The following SSBP3 variants were observed in gnomAD, a reference collection of about 807,000 sequenced individuals.
SSBP3 encodes single stranded DNA binding protein 3, also known as single-stranded DNA-binding protein 3.
A neutral mutation model predicts 69.6 loss-of-function variants in SSBP3; 5 were observed. The observed-to-expected ratio is 0.07, with a 90% CI of 0.04 to 0.15. SSBP3 has a LOEUF of 0.15. Ranked by LOEUF, SSBP3 falls within the 10% of genes least tolerant of loss-of-function variation. The pLI is 1.00. For synonymous variants in SSBP3, 196 were observed against 193.4 expected (o/e 1.01, Z -0.11); for missense variants, 312 against 534.0 (o/e 0.58, Z 4.10).
chr1:54,360,262 G>A (rs989722383), intron 4 of SSBP3, among the ~76,000 whole-genome samples: 1 of 152,222 alleles, frequency 6.6e-6, no homozygotes, highest in Non-Finnish European at 1.5e-5. Flanking sequence ...TAGGGAGGAA[G>A]AGGAAAGTTA....
At chr1:54,403,396 C>A (rs993957218) in intron 3 of SSBP3, among the ~76,000 whole-genome samples, 1 of 152,158 alleles carries the variant, frequency 6.6e-6, no homozygotes, top group African/African-American at 2.4e-5. Context: ...AAGTAACCTT[C>A]AATCATAAAC....
At chr1:54,315,172 A>C (rs886598920) in intron 4 of SSBP3, among the ~76,000 whole-genome samples, 1 of 152,164 alleles carries the variant, frequency 6.6e-6, no homozygotes, top group African/African-American at 2.4e-5. Context: ...CTCCCTGTAC[A>C]GATCAAGCAC....
chr1:54,299,567 G>A (rs1250886620), intron 4 of SSBP3, among the ~76,000 whole-genome samples: 1 of 151,386 alleles, frequency 6.6e-6, no homozygotes, highest in East Asian at 1.9e-4. Flanking sequence ...GCCCACCCTT[G>A]TGGGCACAGG....
chr1:54,385,368 C>A (rs1380135206), intron 4 of SSBP3, among the ~76,000 whole-genome samples: 1 of 152,114 alleles, frequency 6.6e-6, no homozygotes, highest in Non-Finnish European at 1.5e-5. Context: ...GAAAATGAAT[C>A]AAGTTTTACA....
chr1:54,275,638 C>A (rs1645271040), intron 5 of SSBP3, among the ~76,000 whole-genome samples: 1 of 152,244 alleles, frequency 6.6e-6, no homozygotes, highest in Non-Finnish European at 1.5e-5. Context: ...CACTGGGCAT[C>A]CTGCCACTGC....
At chr1:54,287,011 G>A (rs1645503652) in intron 4 of SSBP3, 1 of 152,166 alleles carries the variant, frequency 6.6e-6, no homozygotes. Context: ...CAACAGTGTT[G>A]ATGCTTTTCC....
At chr1:54,257,083 G>C (rs746149392) in intron 7 of SSBP3, 44 bp downstream of exon 7, 1 of 1,578,002 alleles carries the variant, frequency 6.3e-7, no homozygotes, top group Non-Finnish European at 8.6e-7. Context: ...CTAGGGCCAA[G>C]GATGGCTGAG....
At chr1:54,251,585 G>A (rs1644829693) in intron 9 of SSBP3, 31 bp downstream of exon 9, 1 of 1,549,160 alleles carries the variant, frequency 6.5e-7, no homozygotes, top group Non-Finnish European at 8.7e-7. Context: ...AGATGGCCAG[G>A]GAGACGGACG....
intron 4 of SSBP3, among the ~76,000 whole-genome samples, chr1:54,334,330 C>A (rs113050480): frequency 3.3e-5 from 5 of 150,876 alleles, no homozygotes; most frequent in Admixed American, 2.6e-4. Context: ...CCAGCCTGGG[C>A]AACAGAGCAA....
intron 5 of SSBP3, among the ~76,000 whole-genome samples, chr1:54,274,902 A>G (rs1435048682): frequency 6.7e-6 from 1 of 150,236 alleles, no homozygotes; most frequent in Non-Finnish European, 1.5e-5. Context: ...ATCCTGGCAC[A>G]GGCTCCCTCT....
At chr1:54,305,470 T>C (rs1013560776) in intron 4 of SSBP3, among the ~76,000 whole-genome samples, 1 of 152,168 alleles carries the variant, frequency 6.6e-6, no homozygotes, top group African/African-American at 2.4e-5. Context: ...TTCACCTAAC[T>C]GAGCAATCAC....
At chr1:54,303,982 A>G (rs1236437157) in intron 4 of SSBP3, among the ~76,000 whole-genome samples, 1 of 152,194 alleles carries the variant, frequency 6.6e-6, no homozygotes, top group Non-Finnish European at 1.5e-5. Flanking sequence ...TCCACACAGC[A>G]CTGCCTCCAC....
chr1:54,270,131 G>A (rs890320174), intron 5 of SSBP3, among the ~76,000 whole-genome samples: 1 of 152,216 alleles, frequency 6.6e-6, no homozygotes, highest in Non-Finnish European at 1.5e-5. Context: ...GCTGGTACAA[G>A]TGTTCATCTC....
intron 14 of SSBP3, among the ~76,000 whole-genome samples, chr1:54,229,297 G>A (rs1206154922): frequency 6.6e-6 from 1 of 152,242 alleles, no homozygotes; most frequent in African/African-American, 2.4e-5. Context: ...GGTCCCAGAG[G>A]CTGGAGGTGG....
At chr1:54,347,176 C>A (rs1569886768) in intron 4 of SSBP3, among the ~76,000 whole-genome samples, 1 of 152,168 alleles carries the variant, frequency 6.6e-6, no homozygotes, top group South Asian at 2.1e-4. Context: ...CTATGTTAAC[C>A]AAGCCAGTCT....
chr1:54,382,863 C>A (rs1009773416), intron 4 of SSBP3, among the ~76,000 whole-genome samples: 2 of 151,180 alleles, frequency 1.3e-5, no homozygotes, highest in Admixed American at 1.3e-4. Context: ...CGCCTGCCTG[C>A]AATCCCAGCT....
rs538700521 is a variant in SSBP3 at position 54,339,282 on chromosome 1, A to C, written c.277-57755T>G. The stretch of plus-strand genomic sequence containing the variant: ...AGCATAGTTAAGATTTTTAAAGAGA[A>C]AGCACTTATTGAGGATAATTGATGC... On this transcript the variant is annotated intron_variant, in intron 4 of 17. Transcript: ENST00000610401. Among the ~76,000 whole-genome samples the C allele has an allele frequency of 2.0e-5, 3 of 152,382 alleles. No homozygotes were observed. In the South Asian group the frequency reaches 6.2e-4, roughly 32 times the overall value.
intron 13 of SSBP3, among the ~76,000 whole-genome samples, chr1:54,240,115 CGCGCGCA>C (rs1394101063): frequency 5.4e-3 from 14 of 2,602 alleles, no homozygotes; most frequent in East Asian, 0.025. Context: ...CGTGCGCGCG[CGCGCGCA>C]ACACATGCCC....
intron 4 of SSBP3, among the ~76,000 whole-genome samples, chr1:54,284,087 T>G (rs939766133): frequency 6.6e-6 from 1 of 151,308 alleles, no homozygotes; most frequent in Non-Finnish European, 1.5e-5. Flanking sequence ...TCTTCTTATG[T>G]ACCATTATTT....
Sources: gnomAD v4.1 joint callset for allele counts (sites outside exome capture counted in the v4.1 genomes callset) on GRCh38, gnomAD v4.1.1 for gene constraint, MANE v1.5 for transcripts, NCBI Gene and HGNC (gene_info 2026-07-23, HGNC 2026-07-21) for gene names.